Variants in CA10 observed in about 807,000 individuals in gnomAD.
CA10 encodes carbonic anhydrase 10 (inactive).
CA10 carries 14 observed loss-of-function variants against 44.2 expected under a neutral mutation model. That is an observed-to-expected ratio of 0.32 (90% CI 0.21 to 0.50). CA10 has a LOEUF of 0.50. Ranked by LOEUF, CA10 falls within the 20% of genes least tolerant of loss-of-function variation. The pLI is 0.99. For synonymous variants in CA10, 159 were observed against 141.6 expected (o/e 1.12, Z -0.87); for missense variants, 350 against 409.7 (o/e 0.85, Z 1.26).
At chr17:52,114,250 C>T (rs1988844499) in intron 1 of CA10, among the ~76,000 whole-genome samples, 1 of 152,180 alleles carries the variant, frequency 6.6e-6, no homozygotes, top group Non-Finnish European at 1.5e-5. Flanking sequence ...TTTAACTACA[C>T]CCTCAGATTT....
At chr17:51,649,089 G>C (rs764261554) in intron 6 of CA10, 93 bp downstream of exon 6, 5 of 824,152 alleles carry the variant, frequency 6.1e-6, no homozygotes, top group African/African-American at 5.1e-5. Context: ...AACTGAAAAG[G>C]GCCCATGGAG....
At chr17:51,720,280 T>C (rs1916311912) in intron 4 of CA10, among the ~76,000 whole-genome samples, 1 of 152,198 alleles carries the variant, frequency 6.6e-6, no homozygotes, top group South Asian at 2.1e-4. Flanking sequence ...CTTCCTTTTA[T>C]AGCACAGTAT....
intron 4 of CA10, among the ~76,000 whole-genome samples, chr17:51,669,664 C>A (rs574601998): frequency 9.2e-4 from 140 of 152,238 alleles, no homozygotes; most frequent in African/African-American, 3.2e-3. Context: ...TCCAGATGCA[C>A]CACCTTTAAG....
intron 1 of CA10, among the ~76,000 whole-genome samples, chr17:52,072,711 ACACAC>A (rs1403440898): frequency 6.6e-6 from 1 of 151,070 alleles, no homozygotes; most frequent in African/African-American, 2.4e-5. Context: ...ACACACACAC[ACACAC>A]AACACACACA....
At position 52,158,233 on chromosome 17, in the gene CA10, G is replaced by T. The variant is rs1027570266; in HGVS notation, c.-447C>A. 4.3e-6 allele frequency: 1 copy of T among 230,664 alleles called. No individual in the cohort carries two copies. Among genetic ancestry groups the T allele is most frequent in the Non-Finnish European group, 8.7e-6 (1 of 115,216 alleles). The allele number at this position is 230,664 out of a possible 1,614,324, so 14.3% of individuals were successfully genotyped here. Reference sequence around the variant, plus strand: ...CGATAGCCCCCCGCCGGGCTGCGCCGTGCAATTCCGGGCTCCCGGGAGCGC... The same window carrying T: ...CGATAGCCCCCCGCCGGGCTGCGCCTTGCAATTCCGGGCTCCCGGGAGCGC... On this transcript the variant is annotated 5_prime_UTR_variant, in exon 1 of 9. Transcript: ENST00000451037.
chr17:51,673,241 G>A (rs1914491390), intron 4 of CA10, among the ~76,000 whole-genome samples: 1 of 152,198 alleles, frequency 6.6e-6, no homozygotes, highest in Non-Finnish European at 1.5e-5. Context: ...GAACCTTGAT[G>A]TCCCAGATGG....
chr17:52,049,704 C>G (rs1374184093), intron 2 of CA10, among the ~76,000 whole-genome samples: 1 of 152,022 alleles, frequency 6.6e-6, no homozygotes, highest in African/African-American at 2.4e-5. Flanking sequence ...TGTATGTCCC[C>G]TCAGACTTCT....
At chr17:51,646,824 C>G (rs1057499240) in intron 6 of CA10, among the ~76,000 whole-genome samples, 6 of 152,206 alleles carry the variant, frequency 3.9e-5, no homozygotes, top group African/African-American at 1.2e-4. Flanking sequence ...GTGTCAGGGT[C>G]ATTCTCATGA....
At chr17:52,082,251 A>G (rs542165553) in intron 1 of CA10, among the ~76,000 whole-genome samples, 125 of 152,310 alleles carry the variant, frequency 8.2e-4, no homozygotes, top group Non-Finnish European at 1.6e-3. Context: ...ACTACCCTCT[A>G]TGATTTCCTT....
intron 3 of CA10, among the ~76,000 whole-genome samples, chr17:51,796,479 G>A (rs1649616495): frequency 6.6e-6 from 1 of 152,170 alleles, no homozygotes. Flanking sequence ...ATTCTATGGG[G>A]TGGGGGAGAT....
intron 2 of CA10, among the ~76,000 whole-genome samples, chr17:52,061,342 A>C (rs1034568999): frequency 1.3e-5 from 2 of 152,160 alleles, no homozygotes; most frequent in East Asian, 3.9e-4. Context: ...GGCTTCTAGA[A>C]GGTGGAGAAG....
At chr17:51,888,686 C>G (rs1980720499) in intron 3 of CA10, among the ~76,000 whole-genome samples, 2 of 146,148 alleles carry the variant, frequency 1.4e-5, no homozygotes, top group African/African-American at 5.6e-5. Flanking sequence ...TCCAATTTGA[C>G]CGTCTTCTAG....
intron 2 of CA10, among the ~76,000 whole-genome samples, chr17:52,044,439 G>A (rs992461463): frequency 1.3e-5 from 2 of 152,080 alleles, no homozygotes; most frequent in African/African-American, 4.8e-5. Context: ...AAATAGCTGG[G>A]ACTATGGGTG....
chr17:51,938,965 G>GTAA (rs58417533), intron 2 of CA10, among the ~76,000 whole-genome samples: 4,199 of 152,136 alleles, frequency 0.028, 83 homozygotes, highest in Non-Finnish European at 0.04. Context: ...ACCAAAGGAA[G>GTAA]TAATGTATGT....
intron 2 of CA10, among the ~76,000 whole-genome samples, chr17:51,937,501 T>C (rs1406320923): frequency 6.6e-6 from 1 of 152,154 alleles, no homozygotes; most frequent in African/African-American, 2.4e-5. Context: ...GGTCTTTAAC[T>C]AGGGCTGCCC....
chr17:51,787,120 C>A (rs928666426), intron 3 of CA10, among the ~76,000 whole-genome samples: 3 of 152,102 alleles, frequency 2.0e-5, no homozygotes, highest in Non-Finnish European at 4.4e-5. Flanking sequence ...TTAGGGATAT[C>A]GGCCTGCAGT....
At chr17:52,123,972 C>T (rs1482981271) in intron 1 of CA10, among the ~76,000 whole-genome samples, 2 of 152,176 alleles carry the variant, frequency 1.3e-5, no homozygotes, top group Admixed American at 6.5e-5. Flanking sequence ...TATAAAGCAC[C>T]TCATTCATTC....
intron 4 of CA10, among the ~76,000 whole-genome samples, chr17:51,713,348 T>C (rs1169033581): frequency 5.3e-5 from 8 of 152,202 alleles, no homozygotes; most frequent in Non-Finnish European, 1.2e-4. Context: ...GGCATAGATG[T>C]TTAATAGGCA....
At chr17:51,634,409 G>T (rs1677170795) in intron 7 of CA10, among the ~76,000 whole-genome samples, 1 of 152,180 alleles carries the variant, frequency 6.6e-6, no homozygotes, top group Non-Finnish European at 1.5e-5. Flanking sequence ...TCAAATGGTG[G>T]TCAGGTGGGA....
Sources: gnomAD v4.1 joint callset for allele counts (sites outside exome capture counted in the v4.1 genomes callset) on GRCh38, gnomAD v4.1.1 for gene constraint, MANE v1.5 for transcripts, NCBI Gene and HGNC (gene_info 2026-07-23, HGNC 2026-07-21) for gene names.